FMN2: variants seen among roughly 807,000 people sequenced by gnomAD.
FMN2 encodes the protein formin-2.
In FMN2, 51 loss-of-function variants were observed where a neutral mutation model predicts 142.3. That is an observed-to-expected ratio of 0.36 (90% CI 0.29 to 0.45). The LOEUF (loss-of-function observed/expected upper bound fraction) is 0.45. Among genes scored for constraint, FMN2 ranks in the 20% least tolerant of loss-of-function variants. The pLI is 1.00. For synonymous variants in FMN2, 882 were observed against 869.8 expected (o/e 1.01, Z -0.25); for missense variants, 1,936 against 2,122.8 (o/e 0.91, Z 1.73).
chr1:240,150,971 C>T (rs867460219), intron 2 of FMN2, among the ~76,000 whole-genome samples: 36 of 152,092 alleles, frequency 2.4e-4, no homozygotes, highest in Admixed American at 7.2e-4. Flanking sequence ...AGTAACCTTC[C>T]CTATATCCAT....
In FMN2 at chr1:240,326,262, G is replaced by A. The variant is rs939742376; in HGVS notation, c.4216-2814G>A. The stretch of plus-strand genomic sequence containing the variant: ...AAGGAGTTTATGGGGCATAGATAAA[G>A]TGACAGTTCCCTTGACTTGCCAAAA... On this transcript the variant is annotated intron_variant, in intron 8 of 17. Transcript: ENST00000319653. Among the ~76,000 whole-genome samples, 5 of 152,282 alleles carry A rather than the reference G, an allele frequency of 3.3e-5. No homozygotes were observed. In the East Asian group the frequency reaches 9.7e-4, roughly 30 times the overall value.
At position 240,474,745 on chromosome 1, in the gene FMN2, G is replaced by T. The variant is rs913178419; in HGVS notation, c.*591G>T. On this transcript the variant is annotated 3_prime_UTR_variant, in exon 18 of 18. Coordinates refer to ENST00000319653, the MANE Select transcript of FMN2 (RefSeq NM_020066.5). ...TTTTACTGAAGTCATATAATGACTT[G>T]GGTCAGCTCGTAATGCATTGTGATG... is the stretch of plus-strand genomic sequence containing the variant. The T allele has an allele frequency of 7.2e-5, 11 of 152,412 alleles. No homozygotes were observed. Among genetic ancestry groups the T allele is most frequent in the African/African-American group, 2.7e-4 (11 of 41,444 alleles). The allele number at this position is 152,412 out of a possible 1,614,324, so 9.4% of individuals were successfully genotyped here.
At chr1:240,393,182 T>C (rs201059457) in intron 15 of FMN2, among the ~76,000 whole-genome samples, 2 of 142,150 alleles carry the variant, frequency 1.4e-5, no homozygotes, top group African/African-American at 5.3e-5. Context: ...TTTTTTTTTT[T>C]TCACAAATTG....
intron 15 of FMN2, among the ~76,000 whole-genome samples, chr1:240,419,662 C>T (rs1031956166): frequency 2.6e-5 from 4 of 152,156 alleles, no homozygotes; most frequent in Non-Finnish European, 5.9e-5. Context: ...TTGCACTATA[C>T]AGTCTACTGA....
intron 2 of FMN2, among the ~76,000 whole-genome samples, chr1:240,158,433 G>A (rs1413691983): frequency 1.3e-5 from 2 of 152,118 alleles, no homozygotes; most frequent in Non-Finnish European, 2.9e-5. Context: ...CCACAAGGTT[G>A]GCTAGATATG....
rs933971379 is a variant in FMN2 at position 240,462,092 on chromosome 1, G to A, written c.5061-10280G>A. ...AAAGTCAATCTGTTATCTTCCTTGA[G>A]CATGTTTGTTCATTGTAAATTCATC... On this transcript the variant is annotated intron_variant, in intron 16 of 17. Transcript: ENST00000319653. 2.6e-5 allele frequency among the ~76,000 whole-genome samples: 4 copies of A among 152,162 alleles called. No homozygotes were observed. In the East Asian group the frequency reaches 5.8e-4, roughly 22 times the overall value.
intron 2 of FMN2, among the ~76,000 whole-genome samples, chr1:240,124,188 T>C (rs1662408869): frequency 6.6e-6 from 1 of 152,230 alleles, no homozygotes; most frequent in African/African-American, 2.4e-5. Flanking sequence ...TTCAAGACCC[T>C]GTAATCAGCG....
chr1:240,429,928 C>T (rs111517375), intron 15 of FMN2, among the ~76,000 whole-genome samples: 7,538 of 150,454 alleles, frequency 0.05, 627 homozygotes, highest in African/African-American at 0.18. Context: ...CTCTGCCGCC[C>T]AGGCTGGAGT....
At chr1:240,271,424 T>G (rs1669010422) in intron 7 of FMN2, among the ~76,000 whole-genome samples, 1 of 151,674 alleles carries the variant, frequency 6.6e-6, no homozygotes, top group Non-Finnish European at 1.5e-5. Flanking sequence ...CTGATTTTTT[T>G]TTTTTTTTAA....
chr1:240,216,948 CAAA>C (rs35536429), intron 6 of FMN2, among the ~76,000 whole-genome samples: 1 of 140,622 alleles, frequency 7.1e-6, no homozygotes, highest in South Asian at 2.3e-4. Flanking sequence ...GACTCCGTCT[CAAA>C]AAAAAAAAAA....
At chr1:240,123,038 T>A in intron 1 of FMN2, 141 bp from the exon 2 acceptor site, 1 of 869,072 alleles carries the variant, frequency 1.2e-6, no homozygotes. Flanking sequence ...TCTCCTAGCT[T>A]GAGAGGCTCC....
intron 7 of FMN2, among the ~76,000 whole-genome samples, chr1:240,261,100 C>T (rs1668610371): frequency 6.6e-6 from 1 of 152,148 alleles, no homozygotes; most frequent in Admixed American, 6.6e-5. Context: ...TGTTCTGTTT[C>T]ATTGTTCTGT....
At chr1:240,398,615 T>C (rs1673871777) in intron 15 of FMN2, among the ~76,000 whole-genome samples, 1 of 152,206 alleles carries the variant, frequency 6.6e-6, no homozygotes, top group Non-Finnish European at 1.5e-5. Context: ...GAAATAAGTC[T>C]GTGTGCCATT....
intron 1 of FMN2, among the ~76,000 whole-genome samples, chr1:240,098,435 C>T (rs1476304918): frequency 1.3e-5 from 2 of 152,068 alleles, no homozygotes; most frequent in African/African-American, 4.8e-5. Context: ...CACATTTTCT[C>T]ATACGGCTTG....
At position 240,093,704 on chromosome 1, in the gene FMN2, G is replaced by C; in HGVS notation, c.1595G>C (p.Gly532Ala). Residue 532 changes from glycine to alanine, a missense_variant, in exon 1 of 18, where the codon GGC (glycine) becomes GCC (alanine). Physicochemically the swap from Gly to Ala is moderately conservative, Grantham distance 60. Around this residue, in one of 8 missense-constraint regions of FMN2, gnomAD observed 751 missense variants for 791.8 expected, o/e 0.95. Transcript: ENST00000319653. The stretch of plus-strand genomic sequence containing the variant: ...TCTGGGGCCCCCGCGGCTGCGGATG[G>C]CTTCCAGAACGTGTTCACAGGTGAG... ...KASGAPAAADGFQNVFTGRTL... is the reference protein window; with the variant it reads ...KASGAPAAADAFQNVFTGRTL... The C allele has an allele frequency of 7.3e-7, 1 of 1,371,648 alleles. No homozygotes were observed. Among genetic ancestry groups the C allele is most frequent in the Non-Finnish European group, 9.3e-7 (1 of 1,069,874 alleles). The allele number at this position is 1,371,648 out of a possible 1,614,324, so 85.0% of individuals were successfully genotyped here. A position where few individuals can be genotyped will look rare whatever the true frequency, so the allele number is the denominator to read the frequency against.
At chr1:240,380,768 G>A (rs1673199417) in intron 14 of FMN2, among the ~76,000 whole-genome samples, 2 of 145,580 alleles carry the variant, frequency 1.4e-5, no homozygotes, top group Non-Finnish European at 3.0e-5. Flanking sequence ...ATGAGATTGA[G>A]ACCAAAAAAA....
intron 4 of FMN2, among the ~76,000 whole-genome samples, chr1:240,199,441 GCTT>G (rs1666047712): frequency 6.6e-6 from 1 of 152,124 alleles, no homozygotes; most frequent in Admixed American, 6.5e-5. Flanking sequence ...GTGTATCTTG[GCTT>G]CTTTTTTGAC....
chr1:240,236,837 G>A (rs991132), intron 6 of FMN2, among the ~76,000 whole-genome samples: 99,928 of 152,080 alleles, frequency 0.66, 33,407 homozygotes, highest in African/African-American at 0.73. Context: ...ACATTTCAGT[G>A]TGAGATTTGG....
chr1:240,382,681 C>T (rs1406883484), intron 14 of FMN2, among the ~76,000 whole-genome samples: 1 of 151,788 alleles, frequency 6.6e-6, no homozygotes, highest in African/African-American at 2.4e-5. Flanking sequence ...AAAAAATGAC[C>T]ATACTGTTCA....
Sources: allele counts gnomAD v4.1 joint callset (sites outside exome capture counted in the v4.1 genomes callset), GRCh38; gene constraint gnomAD v4.1.1; regional missense constraint gnomAD v4.1.1; transcripts MANE v1.5; gene names NCBI Gene and HGNC (gene_info 2026-07-23, HGNC 2026-07-21).